MARCHF1: variants seen among roughly 807,000 people sequenced by gnomAD.
The protein encoded by MARCHF1 is membrane associated ring-CH-type finger 1.
In MARCHF1, 40 loss-of-function variants were observed where a neutral mutation model predicts 54.2. The ratio of observed to expected loss-of-function variants is 0.74; its 90% confidence interval spans 0.57 to 0.96. The LOEUF (loss-of-function observed/expected upper bound fraction) is 0.96, where lower values mean the gene tolerates loss of function less well. Ranked by LOEUF, MARCHF1 falls within the 40% of genes least tolerant of loss-of-function variation. The pLI, the probability that MARCHF1 is intolerant of heterozygous loss-of-function variation, is 0.00. For missense variants in MARCHF1, 586 were observed against 656.5 expected (o/e 0.89, Z 1.17); for synonymous variants, 236 against 236.3 (o/e 1.00, Z 0.01).
intron 3 of MARCHF1, among the ~76,000 whole-genome samples, chr4:163,893,488 G>A (rs1003749337): frequency 6.6e-6 from 1 of 152,090 alleles, no homozygotes; most frequent in African/African-American, 2.4e-5. Flanking sequence ...AGATAGTTGG[G>A]AACAAAGGCA....
At chr4:164,360,704 C>G (rs1315998126) in intron 1 of MARCHF1, among the ~76,000 whole-genome samples, 1 of 152,056 alleles carries the variant, frequency 6.6e-6, no homozygotes, top group Non-Finnish European at 1.5e-5. Flanking sequence ...AGAAACACTA[C>G]AGTAAGTGGC....
chr4:163,922,031 A>G (rs1751442134), intron 3 of MARCHF1, among the ~76,000 whole-genome samples: 1 of 152,194 alleles, frequency 6.6e-6, no homozygotes, highest in Middle Eastern at 3.2e-3. Context: ...ATTAAATACT[A>G]TGGAGCCATA....
chr4:164,004,268 C>T lies in MARCHF1; in HGVS notation c.-247-15559G>A, dbSNP rs1262532146. 1.8e-4 allele frequency among the ~76,000 whole-genome samples: 25 copies of T among 138,554 alleles called. No individual in the cohort carries two copies. In the Admixed American group the frequency reaches 1.9e-3, roughly 11 times the overall value. 90.9% of individuals were successfully genotyped at this position (138,554 alleles called of 152,430 possible). A position where few individuals can be genotyped will look rare whatever the true frequency, so the allele number is the denominator to read the frequency against. On this transcript the variant is annotated intron_variant, in intron 2 of 9. Transcript: ENST00000514618. ...ATACATATATATATATATGCATGTT[C>T]TGCACATGTATCCCAGAACTTAAAA...
chr4:163,540,340 G>T (rs561868819), intron 9 of MARCHF1, among the ~76,000 whole-genome samples: 74 of 152,280 alleles, frequency 4.9e-4, no homozygotes, highest in African/African-American at 1.6e-3. Context: ...GGGTGCTTAG[G>T]GTATGCAGAA....
rs34410156 is a variant in MARCHF1, at chr4:163,857,015, A to AAAATAAATAAAT, written c.-38-2858_-38-2847dup. The stretch of plus-strand genomic sequence containing the variant: ...ACAATAGAACAGGACTTTGTCTCGA[A>AAAATAAATAAAT]AAATAAATAAATAAATAAATAAATA... On this transcript the variant is annotated intron_variant, in intron 3 of 9. Coordinates refer to ENST00000514618, the MANE Select transcript of MARCHF1 (RefSeq NM_001394959.1). Among the ~76,000 whole-genome samples the AAAATAAATAAAT allele has an allele frequency of 3.0e-3, 398 of 131,522 alleles. 1 individual carries two copies. Among genetic ancestry groups the AAAATAAATAAAT allele is most frequent in the African/African-American group, 6.8e-3 (237 of 34,800 alleles). 86.3% of individuals were successfully genotyped at this position (131,522 alleles called of 152,430 possible). A position where few individuals can be genotyped will look rare whatever the true frequency, so the allele number is the denominator to read the frequency against.
chr4:163,902,278 C>T (rs1299682069), intron 3 of MARCHF1, among the ~76,000 whole-genome samples: 1 of 152,116 alleles, frequency 6.6e-6, no homozygotes, highest in Non-Finnish European at 1.5e-5. Flanking sequence ...TCAGAGAATG[C>T]TAATTTAAAA....
chr4:163,784,768 TAACA>T (rs1331349138), intron 4 of MARCHF1, among the ~76,000 whole-genome samples: 12 of 152,086 alleles, frequency 7.9e-5, no homozygotes, highest in South Asian at 2.1e-4. Flanking sequence ...ACAAAATATA[TAACA>T]AACAATCAAT....
intron 9 of MARCHF1, among the ~76,000 whole-genome samples, chr4:163,543,585 C>G (rs1208399777): frequency 6.6e-6 from 1 of 152,034 alleles, no homozygotes; most frequent in Non-Finnish European, 1.5e-5. Context: ...CGGGGGCCTA[C>G]AGAATGAGCA....
intron 1 of MARCHF1, among the ~76,000 whole-genome samples, chr4:164,164,023 T>C (rs1044460776): frequency 6.6e-6 from 1 of 151,864 alleles, no homozygotes; most frequent in Admixed American, 6.6e-5. Flanking sequence ...TGAATATATG[T>C]TCAACTAAAA....
At chr4:163,917,385 A>G (rs1560818627) in intron 3 of MARCHF1, among the ~76,000 whole-genome samples, 1 of 152,084 alleles carries the variant, frequency 6.6e-6, no homozygotes, top group Non-Finnish European at 1.5e-5. Flanking sequence ...TCCAATATCA[A>G]TGAATGGGGG....
intron 4 of MARCHF1, among the ~76,000 whole-genome samples, chr4:163,730,262 A>G (rs1475624136): frequency 6.6e-6 from 1 of 152,056 alleles, no homozygotes; most frequent in Non-Finnish European, 1.5e-5. Context: ...GCTTAACTCT[A>G]TATTGCTATT....
intron 1 of MARCHF1, among the ~76,000 whole-genome samples, chr4:164,267,642 T>C (rs371548658): frequency 3.3e-5 from 5 of 152,138 alleles, no homozygotes; most frequent in East Asian, 1.9e-4. Context: ...AGCAGACATA[T>C]TGAGACACAC....
chr4:163,677,043 T>A (rs1579185650), intron 5 of MARCHF1, among the ~76,000 whole-genome samples: 1 of 152,104 alleles, frequency 6.6e-6, no homozygotes, highest in African/African-American at 2.4e-5. Flanking sequence ...AAAGAAGGCA[T>A]GACATAAGAA....
intron 1 of MARCHF1, among the ~76,000 whole-genome samples, chr4:164,146,963 A>T (rs1366392895): frequency 4.0e-5 from 6 of 151,248 alleles, no homozygotes; most frequent in East Asian, 1.9e-4. Context: ...CAATGAACTC[A>T]AACAAATTTA....
In MARCHF1 at chr4:164,094,190, A is replaced by G. The variant is rs543858712; in HGVS notation, c.-248+17398T>C. On this transcript the variant is annotated intron_variant, in intron 2 of 9. Coordinates refer to ENST00000514618, the MANE Select transcript of MARCHF1 (RefSeq NM_001394959.1). ...AGCAAAATAAAAAGGGCTGAACTGT[A>G]TGGTCAGAAAAAGAAGAGGAAATAA... is the stretch of plus-strand genomic sequence containing the variant. Among the ~76,000 whole-genome samples, 69 of 152,246 alleles carry G rather than the reference A, an allele frequency of 4.5e-4. 1 individual carries two copies. Among genetic ancestry groups the G allele is most frequent in the Admixed American group, 2.8e-3 (42 of 15,266 alleles).
At chr4:163,778,653 G>A (rs1389127226) in intron 4 of MARCHF1, among the ~76,000 whole-genome samples, 2 of 152,004 alleles carry the variant, frequency 1.3e-5, no homozygotes, top group African/African-American at 2.4e-5. Flanking sequence ...TATAGACAAT[G>A]GAATACTACT....
At chr4:164,094,065 A>G (rs1159249049) in intron 2 of MARCHF1, among the ~76,000 whole-genome samples, 2 of 152,154 alleles carry the variant, frequency 1.3e-5, no homozygotes, top group African/African-American at 4.8e-5. Flanking sequence ...ACTTAAGAGA[A>G]ATATGTAACA....
chr4:164,042,764 C>T (rs1209884815), intron 2 of MARCHF1, among the ~76,000 whole-genome samples: 1 of 152,116 alleles, frequency 6.6e-6, no homozygotes, highest in Non-Finnish European at 1.5e-5. Flanking sequence ...ACCTATAAAC[C>T]TGTAAAATCA....
intron 3 of MARCHF1, among the ~76,000 whole-genome samples, chr4:163,859,409 G>A (rs1749860994): frequency 6.9e-6 from 1 of 145,072 alleles, no homozygotes; most frequent in African/African-American, 2.6e-5. Context: ...TCCCCAGGTT[G>A]AGTGCAATGG....
Sources: gnomAD v4.1 joint callset for allele counts (sites outside exome capture counted in the v4.1 genomes callset) on GRCh38, gnomAD v4.1.1 for gene constraint, MANE v1.5 for transcripts, NCBI Gene and HGNC (gene_info 2026-07-23, HGNC 2026-07-21) for gene names.